Variants in GMDS observed in about 807,000 individuals in gnomAD.
The protein encoded by GMDS is GDP-mannose 4,6 dehydratase.
GMDS carries 20 observed loss-of-function variants against 49.9 expected under a neutral mutation model. The ratio of observed to expected loss-of-function variants is 0.40; its 90% CI spans 0.28 to 0.58. The LOEUF is 0.58. Among genes scored for constraint, GMDS ranks in the 20% least tolerant of loss-of-function variants. The probability of loss-of-function intolerance (pLI) is 0.42; values close to 1 mark genes in which losing one functional copy is unlikely to be tolerated. For synonymous variants in GMDS, 177 were observed against 178.6 expected, an observed-to-expected ratio of 0.99 and a Z score of 0.07; for missense variants, 362 against 481.4, an observed-to-expected ratio of 0.75 and a Z score of 2.32.
intron 9 of GMDS, among the ~76,000 whole-genome samples, chr6:1,653,254 C>T (rs147093793): frequency 1.3e-5 from 2 of 152,298 alleles, no homozygotes; most frequent in African/African-American, 4.8e-5. Flanking sequence ...ACTTCACTTA[C>T]AAGTACTTCA....
At chr6:1,745,300 AGG>A (rs1767440335) in intron 7 of GMDS, among the ~76,000 whole-genome samples, 1 of 151,762 alleles carries the variant, frequency 6.6e-6, no homozygotes, top group Non-Finnish European at 1.5e-5. Flanking sequence ...AAAATGTAAA[AGG>A]AGAAACTTGA....
At chr6:1,725,473 C>T (rs928197439) in intron 9 of GMDS, among the ~76,000 whole-genome samples, 7 of 151,994 alleles carry the variant, frequency 4.6e-5, no homozygotes, top group African/African-American at 1.7e-4. Context: ...CTCTTGTTGC[C>T]TAGGCTGGAG....
intron 8 of GMDS, among the ~76,000 whole-genome samples, chr6:1,733,871 C>T (rs2113462777): frequency 6.6e-6 from 1 of 151,818 alleles, no homozygotes; most frequent in East Asian, 1.9e-4. Flanking sequence ...AAAAAGAGGG[C>T]CAGGGCTGAG....
At chr6:1,877,524 A>G (rs114522835) in intron 7 of GMDS, among the ~76,000 whole-genome samples, 5,660 of 151,778 alleles carry the variant, frequency 0.037, 354 homozygotes, top group African/African-American at 0.13. Context: ...TTTAGTCCCA[A>G]CAACTCGGGA....
At chr6:1,719,038 C>T (rs570563841) in intron 9 of GMDS, among the ~76,000 whole-genome samples, 5 of 152,232 alleles carry the variant, frequency 3.3e-5, no homozygotes, top group Admixed American at 3.3e-4. Flanking sequence ...GACAGCATTA[C>T]AAAATGTACA....
chr6:1,630,535 A>G (rs925120718), intron 9 of GMDS, among the ~76,000 whole-genome samples: 1 of 152,228 alleles, frequency 6.6e-6, no homozygotes, highest in African/African-American at 2.4e-5. Context: ...ACCAGGCAGC[A>G]GTCTGAGCCA....
At chr6:1,810,478 T>C (rs1770370950) in intron 7 of GMDS, among the ~76,000 whole-genome samples, 1 of 151,890 alleles carries the variant, frequency 6.6e-6, no homozygotes, top group African/African-American at 2.4e-5. Context: ...AGACAGGGTT[T>C]CACTGTGTTG....
chr6:2,013,721 C>T (rs1193563348), intron 4 of GMDS, among the ~76,000 whole-genome samples: 3 of 151,644 alleles, frequency 2.0e-5, no homozygotes, highest in Non-Finnish European at 1.5e-5. Context: ...GCATCGCAAA[C>T]TACAATGCAG....
At chr6:2,020,512 G>T (rs1465487741) in intron 4 of GMDS, among the ~76,000 whole-genome samples, 1 of 152,006 alleles carries the variant, frequency 6.6e-6, no homozygotes, top group African/African-American at 2.4e-5. Flanking sequence ...TTATGGAAAC[G>T]GAGTTTTAGT....
At chr6:1,878,084 T>TC (rs1759167933) in intron 7 of GMDS, among the ~76,000 whole-genome samples, 1 of 151,806 alleles carries the variant, frequency 6.6e-6, no homozygotes, top group Non-Finnish European at 1.5e-5. Context: ...GAGGCCGAGG[T>TC]GGGCAGATCA....
intron 1 of GMDS, among the ~76,000 whole-genome samples, chr6:2,184,627 A>T: frequency 6.6e-6 from 1 of 152,160 alleles, no homozygotes. Context: ...TGCTTCCCAA[A>T]CTATCTGTGA....
chr6:1,707,119 T>C (rs1765767021), intron 9 of GMDS, among the ~76,000 whole-genome samples: 1 of 152,194 alleles, frequency 6.6e-6, no homozygotes, highest in South Asian at 2.1e-4. Flanking sequence ...GAATCTCAAG[T>C]TTCAGTGCCT....
intron 1 of GMDS, among the ~76,000 whole-genome samples, chr6:2,213,218 C>T (rs1190809928): frequency 6.6e-6 from 1 of 152,204 alleles, no homozygotes; most frequent in Non-Finnish European, 1.5e-5. Context: ...TGTCCTGACT[C>T]AAGAGTCCCT....
At chr6:2,038,847 T>A (rs59952501) in intron 4 of GMDS, among the ~76,000 whole-genome samples, 4,155 of 152,312 alleles carry the variant, frequency 0.027, 126 homozygotes, top group South Asian at 0.095. Context: ...AGGGGCAACG[T>A]GAAGGCACAC....
chr6:1,789,060 A>C (rs538077012), intron 7 of GMDS, among the ~76,000 whole-genome samples: 1 of 152,344 alleles, frequency 6.6e-6, no homozygotes, highest in African/African-American at 2.4e-5. Context: ...CACAGAACTC[A>C]GGACACAATA....
At chr6:1,743,097 T>A (rs1367860782) in intron 7 of GMDS, among the ~76,000 whole-genome samples, 1 of 152,068 alleles carries the variant, frequency 6.6e-6, no homozygotes, top group African/African-American at 2.4e-5. Flanking sequence ...AAGGTACTAG[T>A]CAAAAAACAA....
At chr6:2,241,757 C>T (rs1781625323) in intron 1 of GMDS, among the ~76,000 whole-genome samples, 1 of 152,198 alleles carries the variant, frequency 6.6e-6, no homozygotes, top group Admixed American at 6.5e-5. Flanking sequence ...GATGCTGGTG[C>T]CATGCTTCTT....
chr6:1,758,911 A>AG (rs1286620856), intron 7 of GMDS, among the ~76,000 whole-genome samples: 1 of 152,144 alleles, frequency 6.6e-6, no homozygotes, highest in Non-Finnish European at 1.5e-5. Flanking sequence ...TCCCTACCTC[A>AG]GGGGGCTGTT....
At chr6:1,921,871 AG>A (rs1316666661) in intron 7 of GMDS, among the ~76,000 whole-genome samples, 1 of 152,252 alleles carries the variant, frequency 6.6e-6, no homozygotes, top group Non-Finnish European at 1.5e-5. Flanking sequence ...ATAGCTCCAC[AG>A]AAGGCTAGAA....
Sources: allele counts gnomAD v4.1 joint callset (sites outside exome capture counted in the v4.1 genomes callset), GRCh38; gene constraint gnomAD v4.1.1; transcripts MANE v1.5; gene names NCBI Gene and HGNC (gene_info 2026-07-23, HGNC 2026-07-21).